Variants in DNAH9 observed in about 807,000 individuals in gnomAD.
DNAH9 encodes the protein DNAH9 variant protein.
A neutral mutation model predicts 471.6 loss-of-function variants in DNAH9; 345 were observed. The observed-to-expected ratio is 0.73, with a 90% CI of 0.67 to 0.80. The LOEUF is 0.80. Ranked by LOEUF, DNAH9 falls within the 30% of genes least tolerant of loss-of-function variation. DNAH9 has a pLI of 0.00. For missense variants in DNAH9, 5,407 were observed against 5,609.2 expected (o/e 0.96, Z 1.15); for synonymous variants, 2,093 against 2,123.6 (o/e 0.99, Z 0.40).
chr17:11,803,516 C>CT (rs1483602346), intron 43 of DNAH9, among the ~76,000 whole-genome samples: 1 of 152,208 alleles, frequency 6.6e-6, no homozygotes, highest in Admixed American at 6.5e-5. Context: ...ATGGACTTAA[C>CT]TTAGACTGCC....
At chr17:11,953,317 C>A (rs1343494898) in intron 67 of DNAH9, among the ~76,000 whole-genome samples, 1 of 152,132 alleles carries the variant, frequency 6.6e-6, no homozygotes, top group Non-Finnish European at 1.5e-5. Context: ...AACCCACAGC[C>A]CTTTTGTGCT....
intron 20 of DNAH9, among the ~76,000 whole-genome samples, chr17:11,692,668 AT>A (rs2074354564): frequency 6.6e-6 from 1 of 151,770 alleles, no homozygotes; most frequent in Non-Finnish European, 1.5e-5. Flanking sequence ...TCACATTAAG[AT>A]GTTATCCGCC....
At chr17:11,719,542 G>A in intron 27 of DNAH9, 52 bp downstream of exon 27, 3 of 1,551,282 alleles carry the variant, frequency 1.9e-6, no homozygotes, top group Non-Finnish European at 2.6e-6. Context: ...AGGAACTCAG[G>A]GCACCAAATC....
intron 17 of DNAH9, among the ~76,000 whole-genome samples, chr17:11,670,375 C>T (rs956523694): frequency 3.3e-5 from 5 of 152,144 alleles, no homozygotes; most frequent in East Asian, 3.9e-4. Context: ...AACAGTCCCC[C>T]GGTCACTTTA....
At chr17:11,931,885 T>C (rs1974523078) in intron 63 of DNAH9, 129 bp from the exon 64 acceptor site, 1 of 1,048,568 alleles carries the variant, frequency 9.5e-7, no homozygotes, top group African/African-American at 1.6e-5. Context: ...GTAGTCTCGC[T>C]GTAACTCAAA....
At chr17:11,818,676 A>G (rs78143765) in intron 45 of DNAH9, among the ~76,000 whole-genome samples, 236 of 152,216 alleles carry the variant, frequency 1.6e-3, no homozygotes, top group South Asian at 3.9e-3. Context: ...TGTTCTAGAA[A>G]TGGGAAAATT....
At chr17:11,942,782 C>G (rs1213899125) in intron 67 of DNAH9, among the ~76,000 whole-genome samples, 1 of 152,158 alleles carries the variant, frequency 6.6e-6, no homozygotes, top group Non-Finnish European at 1.5e-5. Context: ...TGTAAAGTGC[C>G]TAGCACAGAG....
intron 28 of DNAH9, among the ~76,000 whole-genome samples, chr17:11,732,441 C>T (rs1042025418): frequency 6.6e-6 from 1 of 152,034 alleles, no homozygotes; most frequent in African/African-American, 2.4e-5. Flanking sequence ...TCAGAAGCCA[C>T]ACCAGCTGCT....
intron 62 of DNAH9, chr17:11,925,333 C>G: frequency 2.7e-6 from 1 of 373,594 alleles, no homozygotes; most frequent in Admixed American, 3.3e-5. Context: ...GAACCTCCCC[C>G]ATCTCCTGAT....
chr17:11,797,768 C>T lies in DNAH9; in HGVS notation c.8395C>T (p.Leu2799Phe). ...NEVNTVMDLV[L>F]FEDAMRHVCH... is the part of the protein sequence containing the mutation. ...AGTCAACACAGTGATGGACCTAGTT[C>T]TCTTTGAGGATGCCATGCGCCATGT... is the stretch of plus-strand genomic sequence containing the variant. The change falls in exon 43 of 69, where the codon CTC becomes TTC. Residue 2799 changes from leucine to phenylalanine, a missense_variant. Physicochemically the swap from Leu to Phe is conservative, Grantham distance 22. This residue lies in a region of DNAH9 where 4,636 missense variants were observed against 4,900.3 expected (regional missense o/e 0.95). Coordinates refer to ENST00000262442, the MANE Select transcript of DNAH9 (RefSeq NM_001372.4). 6.2e-7 allele frequency: 1 copy of T among 1,614,008 alleles called. No individual in the cohort carries two copies.
At position 11,598,556 on chromosome 17, in the gene DNAH9, G is replaced by A. The variant is rs2072308179; in HGVS notation, c.58G>A (p.Gly20Ser). Reference sequence around the variant, plus strand: ...GGCGGAGAACGCGGATGGGGAACCCGGCGCCGACCGACGACTGCGACTCCT... The same window carrying A: ...GGCGGAGAACGCGGATGGGGAACCCAGCGCCGACCGACGACTGCGACTCCT... ...LAAENADGEPGADRRLRLLGT... is the reference protein window; with the variant it reads ...LAAENADGEPSADRRLRLLGT... The change falls in exon 1 of 69, where the codon GGC becomes AGC. Residue 20 changes from glycine (G) to serine (S), a missense_variant. Transcript: ENST00000262442. 4.3e-6 allele frequency: 6 copies of A among 1,407,880 alleles called. No homozygotes were observed. Among genetic ancestry groups the A allele is most frequent in the Non-Finnish European group, 3.7e-6 (4 of 1,088,988 alleles). The allele number at this position is 1,407,880 out of a possible 1,614,324, so 87.2% of individuals were successfully genotyped here. A position where few individuals can be genotyped will look rare whatever the true frequency, so the allele number is the denominator to read the frequency against.
intron 5 of DNAH9, among the ~76,000 whole-genome samples, chr17:11,618,654 T>A (rs1212539302): frequency 6.6e-6 from 1 of 151,788 alleles, no homozygotes; most frequent in Non-Finnish European, 1.5e-5. Context: ...TTCCTTTTCT[T>A]CTAAGGAGCT....
rs993576117 is a variant in DNAH9, at chr17:11,598,582, G to A, written c.84G>A (p.Leu28=). ...EPGADRRLRL[L]GTYVAMSLRP... ...GCGCCGACCGACGACTGCGACTCCT[G>A]GGGACCTACGTGGCCATGAGCCTGC... Residue 28 remains leucine, a synonymous_variant, in exon 1 of 69, where the codon CTG becomes CTA. Transcript: ENST00000262442. The A allele has an allele frequency of 2.2e-6, 3 of 1,389,478 alleles. No individual in the cohort carries two copies. Among genetic ancestry groups the A allele is most frequent in the Admixed American group, 3.6e-5 (1 of 27,960 alleles). 86.1% of individuals were successfully genotyped at this position (1,389,478 alleles called of 1,614,324 possible). A position where few individuals can be genotyped will look rare whatever the true frequency, so the allele number is the denominator to read the frequency against.
intron 26 of DNAH9, among the ~76,000 whole-genome samples, chr17:11,718,757 T>C (rs190990384): frequency 4.6e-5 from 7 of 152,334 alleles, no homozygotes; most frequent in African/African-American, 1.7e-4. Context: ...TATGAAGATA[T>C]ATACTGAAGA....
intron 32 of DNAH9, among the ~76,000 whole-genome samples, chr17:11,749,213 T>C (rs1390960293): frequency 1.3e-5 from 2 of 151,298 alleles, no homozygotes; most frequent in African/African-American, 4.9e-5. Flanking sequence ...GCCTCCCGAG[T>C]AGCTGGGACT....
chr17:11,820,462 A>G (rs1167534131), intron 45 of DNAH9, among the ~76,000 whole-genome samples: 2 of 152,152 alleles, frequency 1.3e-5, no homozygotes, highest in African/African-American at 2.4e-5. Flanking sequence ...AGTAAGATTG[A>G]CTGTCCTTGT....
intron 6 of DNAH9, among the ~76,000 whole-genome samples, chr17:11,625,517 T>C (rs1392897220): frequency 2.0e-5 from 3 of 152,232 alleles, no homozygotes; most frequent in Non-Finnish European, 4.4e-5. Context: ...AATGACCTTT[T>C]GAGATTTTCA....
rs751599276 is a variant in DNAH9, at chr17:11,640,246, GGTCT to G, written c.1787-17_1787-14del. The G allele has an allele frequency of 1.3e-6, 2 of 1,482,136 alleles. No homozygotes were observed. Among genetic ancestry groups the G allele is most frequent in the East Asian group, 4.5e-5 (2 of 44,100 alleles). 91.8% of individuals were successfully genotyped at this position (1,482,136 alleles called of 1,614,324 possible). ...GACTGAGGTGCTCTAGACTCATTTC[GGTCT>G]GTCTGTGCCATGTCTCCAGGGTTCT... On this transcript the variant is annotated intron_variant, in intron 9 of 68. Transcript: ENST00000262442.
chr17:11,960,295 G>T (rs1046664657), intron 67 of DNAH9, among the ~76,000 whole-genome samples: 1 of 150,990 alleles, frequency 6.6e-6, no homozygotes, highest in African/African-American at 2.4e-5. Context: ...AATTAGTCGG[G>T]TGTGGTGGTG....
Sources: gnomAD v4.1 joint callset for allele counts (sites outside exome capture counted in the v4.1 genomes callset) on GRCh38, gnomAD v4.1.1 for gene constraint, gnomAD v4.1.1 regional missense constraint, MANE v1.5 for transcripts, NCBI Gene and HGNC (gene_info 2026-07-23, HGNC 2026-07-21) for gene names.